The following FAM240B variants were observed in gnomAD, a reference collection of about 807,000 sequenced individuals.
The protein encoded by FAM240B is protein FAM240B.
At chr9:38,710,254 C>T (rs1821239297) in intron 1 of FAM240B, among the ~76,000 whole-genome samples, 1 of 152,152 alleles carries the variant, frequency 6.6e-6, no homozygotes, top group South Asian at 2.1e-4. Context: ...AGGTGTGAGC[C>T]CACAGCGCTC....
At chr9:38,716,176 A>G (rs1012456161) in intron 1 of FAM240B, among the ~76,000 whole-genome samples, 2 of 152,144 alleles carry the variant, frequency 1.3e-5, no homozygotes, top group African/African-American at 4.8e-5. Context: ...GACCTTACTT[A>G]ATATGGTGCC....
chr9:38,703,060 G>C (rs752872858), intron 2 of FAM240B, among the ~76,000 whole-genome samples: 1 of 152,146 alleles, frequency 6.6e-6, no homozygotes, highest in Non-Finnish European at 1.5e-5. Context: ...TGAGGCCAAG[G>C]ATGCTGATAA....
chr9:38,695,304 C>T (rs1187363999), intron 2 of FAM240B, among the ~76,000 whole-genome samples: 1 of 152,178 alleles, frequency 6.6e-6, no homozygotes, highest in South Asian at 2.1e-4. Flanking sequence ...GGATCGCGCA[C>T]GAGGTCAGGA....
intron 1 of FAM240B, chr9:38,705,234 T>C (rs1260641849): frequency 6.6e-6 from 1 of 152,338 alleles, no homozygotes; most frequent in Admixed American, 6.5e-5. Context: ...TATGATCCCG[T>C]GCAAGCTGGG....
chr9:38,697,092 G>A (rs1399174028), intron 2 of FAM240B, among the ~76,000 whole-genome samples: 1 of 152,072 alleles, frequency 6.6e-6, no homozygotes, highest in African/African-American at 2.4e-5. Context: ...CTGCTGCCTG[G>A]GTGTTTCATT....
At chr9:38,707,793 C>CAAAAAA (rs11300800) in intron 1 of FAM240B, among the ~76,000 whole-genome samples, 2 of 109,376 alleles carry the variant, frequency 1.8e-5, no homozygotes, top group Non-Finnish European at 3.7e-5. Context: ...GACTCGGTCT[C>CAAAAAA]AAAAAAAAAA....
chr9:38,700,207 T>G (rs972736571), intron 2 of FAM240B, among the ~76,000 whole-genome samples: 5 of 152,244 alleles, frequency 3.3e-5, no homozygotes, highest in Non-Finnish European at 5.9e-5. Flanking sequence ...GACTAACTCT[T>G]GTCTTATAAA....
intron 1 of FAM240B, chr9:38,705,512 CT>C (rs1300879604): frequency 6.8e-6 from 1 of 146,808 alleles, no homozygotes; most frequent in Non-Finnish European, 1.5e-5. Context: ...CGGCGTGAAC[CT>C]GGGAGGCGGA....
chr9:38,707,616 A>C (rs1030544063), intron 1 of FAM240B, among the ~76,000 whole-genome samples: 1 of 123,620 alleles, frequency 8.1e-6, no homozygotes, highest in South Asian at 2.2e-4. Context: ...AAAAAAACAA[A>C]AAAAAAAAAC....
At chr9:38,713,435 G>A (rs937027406) in intron 1 of FAM240B, among the ~76,000 whole-genome samples, 3 of 122,834 alleles carry the variant, frequency 2.4e-5, no homozygotes, top group African/African-American at 9.4e-5. Flanking sequence ...CCGAGATCAC[G>A]CCACTGCACT....
chr9:38,697,514 GTGGTGTGCTGACGC>G (rs1407516197), intron 2 of FAM240B, among the ~76,000 whole-genome samples: 5 of 152,130 alleles, frequency 3.3e-5, no homozygotes, highest in African/African-American at 1.2e-4. Flanking sequence ...CTCTGGCTTC[GTGGTGTGCTGACGC>G]TGGCTCATAA....
chr9:38,695,416 T>C (rs1821058808), intron 2 of FAM240B, among the ~76,000 whole-genome samples: 1 of 152,106 alleles, frequency 6.6e-6, no homozygotes, highest in South Asian at 2.1e-4. Context: ...TTCCAGCTAC[T>C]GGGGAGGCTG....
At chr9:38,698,023 A>G (rs1821086528) in intron 2 of FAM240B, among the ~76,000 whole-genome samples, 1 of 152,268 alleles carries the variant, frequency 6.6e-6, no homozygotes, top group Non-Finnish European at 1.5e-5. Context: ...TTTTATTTAC[A>G]TATGGCTATG....
At chr9:38,703,765 T>A in intron 2 of FAM240B, 92 bp downstream of exon 2, 1 of 397,868 alleles carries the variant, frequency 2.5e-6, no homozygotes, top group Non-Finnish European at 4.4e-6. Flanking sequence ...CAGCAGTGGG[T>A]ACCAAAGAGA....
intron 1 of FAM240B, among the ~76,000 whole-genome samples, chr9:38,710,951 C>G (rs544124564): frequency 1.2e-4 from 19 of 152,214 alleles, no homozygotes; most frequent in African/African-American, 4.6e-4. Flanking sequence ...AACCCAACTC[C>G]CAAGCCCGTG....
intron 1 of FAM240B, among the ~76,000 whole-genome samples, chr9:38,713,350 C>G (rs562204865): frequency 6.6e-6 from 1 of 151,800 alleles, no homozygotes; most frequent in African/African-American, 2.4e-5. Context: ...TGGTGGCGAG[C>G]GCCTGTAGTC....
At chr9:38,706,610 T>C (rs2119006548) in intron 1 of FAM240B, among the ~76,000 whole-genome samples, 1 of 152,286 alleles carries the variant, frequency 6.6e-6, no homozygotes, top group African/African-American at 2.4e-5. Flanking sequence ...TGAGCGTGGA[T>C]TGCTTTTCTG....
At position 38,704,283 on chromosome 9, in the gene FAM240B, G is replaced by A. The variant is rs145098233; in HGVS notation, c.-3-281C>T. On this transcript the variant is annotated intron_variant, in intron 1 of 2. Transcript: ENST00000637493. ...CTCTTCCAAATTATCTGATTTTAAG[G>A]CTTGCCCTTTTCACTGTCTTTGAGC... Among the ~76,000 whole-genome samples the A allele has an allele frequency of 2.4e-3, 367 of 152,088 alleles. 1 individual carries two copies. The highest frequency in any genetic ancestry group is 3.4e-3 in the Middle Eastern group (1 of 294).
chr9:38,714,119 A>C (rs1172215407), intron 1 of FAM240B, among the ~76,000 whole-genome samples: 1 of 152,252 alleles, frequency 6.6e-6, no homozygotes, highest in Non-Finnish European at 1.5e-5. Context: ...ATGCACAACA[A>C]AATAAACAAC....
Sources: gnomAD v4.1 joint callset for allele counts (sites outside exome capture counted in the v4.1 genomes callset) on GRCh38, gnomAD v4.1.1 for gene constraint, MANE v1.5 for transcripts, NCBI Gene and HGNC (gene_info 2026-07-23, HGNC 2026-07-21) for gene names.